POM121: variants seen among roughly 807,000 people sequenced by gnomAD.
POM121 encodes POM121 transmembrane nucleoporin.
Under a neutral mutation model 81.3 loss-of-function variants are expected in POM121, and 32 were observed. The ratio of observed to expected loss-of-function variants is 0.39; its 90% CI spans 0.30 to 0.53. The LOEUF (loss-of-function observed/expected upper bound fraction) is 0.53. POM121 is among the 20% of genes least tolerant of loss of function. The pLI is 0.66. For synonymous variants in POM121, 514 were observed against 694.2 expected (o/e 0.74, Z 4.08); for missense variants, 1,138 against 1,614.6 (o/e 0.70, Z 5.06).
chr7:72,941,814 C>T, intron 10 of POM121, 23 bp from the exon 11 acceptor site: 2 of 1,502,678 alleles, frequency 1.3e-6, no homozygotes, highest in South Asian at 1.3e-5. Context: ...ATTCCAATTT[C>T]ACATTTTCTA....
At chr7:72,897,708 C>T (rs1338531227) in intron 3 of POM121, among the ~76,000 whole-genome samples, 2 of 152,060 alleles carry the variant, frequency 1.3e-5, no homozygotes, top group Non-Finnish European at 2.9e-5. Context: ...TAGAAGTGGT[C>T]ACATGCAGGA....
chr7:72,902,540 T>C (rs1554492832), intron 3 of POM121, among the ~76,000 whole-genome samples: 3 of 151,890 alleles, frequency 2.0e-5, no homozygotes, highest in African/African-American at 7.3e-5. Flanking sequence ...ATTCTTTTCT[T>C]TTTTTTGAGA....
chr7:72,912,756 C>T (rs1226401034), intron 3 of POM121, among the ~76,000 whole-genome samples: 1 of 152,082 alleles, frequency 6.6e-6, no homozygotes, highest in African/African-American at 2.4e-5. Context: ...TCCAGCCTGG[C>T]AACAGAGCAA....
intron 3 of POM121, among the ~76,000 whole-genome samples, chr7:72,927,822 C>A (rs1290423036): frequency 1.3e-5 from 2 of 152,154 alleles, no homozygotes; most frequent in African/African-American, 4.8e-5. Flanking sequence ...TTATTGAGCA[C>A]CCACTGTGTA....
At position 72,895,976 on chromosome 7, in the gene POM121, G is replaced by A. The variant is rs1352299348; in HGVS notation, c.-216+4866G>A. Among the ~76,000 whole-genome samples the A allele has an allele frequency of 5.3e-5, 8 of 151,588 alleles. No homozygotes were observed. The East Asian group carries it at 5.8e-4, about 11-fold the overall frequency. On this transcript the variant is annotated intron_variant, in intron 3 of 15. Transcript: ENST00000395270. ...CTTTCAGTGGCTCCCAACTGTGGTC[G>A]GTTTAGATGCTTAGCTCATTAGAAT...
chr7:72,901,662 C>CG (rs1792665536), intron 3 of POM121, among the ~76,000 whole-genome samples: 1 of 151,610 alleles, frequency 6.6e-6, no homozygotes. Context: ...CCGACTCAGG[C>CG]TAATTTTTTA....
At chr7:72,912,795 G>A (rs184719515) in intron 3 of POM121, among the ~76,000 whole-genome samples, 4 of 152,176 alleles carry the variant, frequency 2.6e-5, no homozygotes, top group African/African-American at 9.6e-5. Flanking sequence ...GATCTAAGTG[G>A]GTTTTCCCAA....
chr7:72,908,382 G>A (rs1793480064), intron 3 of POM121, among the ~76,000 whole-genome samples: 1 of 152,184 alleles, frequency 6.6e-6, no homozygotes, highest in African/African-American at 2.4e-5. Flanking sequence ...TGACTAGGGT[G>A]TGGGTCACAG....
upstream of POM121, among the ~76,000 whole-genome samples, chr7:72,921,139 G>A (rs1563150671): frequency 1.3e-5 from 2 of 152,104 alleles, no homozygotes; most frequent in Admixed American, 1.3e-4. Context: ...AGCCGAGATC[G>A]CGCCACTGCA....
At chr7:72,922,641 C>T (rs563415426), upstream of POM121, among the ~76,000 whole-genome samples, 1 of 152,142 alleles carries the variant, frequency 6.6e-6, no homozygotes, top group Non-Finnish European at 1.5e-5. Flanking sequence ...ATCCGCCCAC[C>T]TTGGCCTCCA....
Position 72,926,856 on chromosome 7 carries a change from C to T in POM121, c.915C>T (p.Asp305=). The T allele has an allele frequency of 6.2e-7, 1 of 1,613,918 alleles. No individual in the cohort carries two copies. The highest frequency in any genetic ancestry group is 8.5e-7 in the Non-Finnish European group (1 of 1,179,868). The change falls in exon 3 of 13, where the codon GAC becomes GAT. Residue 305 remains aspartate, a synonymous_variant. Transcript: ENST00000434423. ...TLSSPSSNAP[D]PCAKETVLSA... is the part of the protein sequence containing the mutation. ...CCTCACCATCAAGTAACGCCCCAGA[C>T]CCATGTGCAAAGGAGACAGTACTGA...
At chr7:72,927,071 T>A in intron 3 of POM121, 108 bp downstream of exon 3, 1 of 1,550,468 alleles carries the variant, frequency 6.4e-7, no homozygotes, top group Non-Finnish European at 8.8e-7. Context: ...TTATGAGCCT[T>A]CGTAGGCCCC....
chr7:72,914,815 G>A (rs2129576620), intron 4 of POM121, among the ~76,000 whole-genome samples: 1 of 152,196 alleles, frequency 6.6e-6, no homozygotes, highest in South Asian at 2.1e-4. Context: ...GTGTCTGTGT[G>A]CCTGGAAGCA....
downstream of POM121, chr7:72,948,891 C>G (rs1554504078): frequency 1.2e-6 from 2 of 1,611,554 alleles, no homozygotes; most frequent in South Asian, 2.2e-5. Flanking sequence ...ACGCCCTGTA[C>G]CTGAAGGCGC....
In POM121 at chr7:72,939,430, G is replaced by A. The variant is rs528066094; in HGVS notation, c.1441+21G>A. 1.9e-6 allele frequency: 3 copies of A among 1,613,566 alleles called. No homozygotes were observed. The East Asian group carries it at 6.7e-5, about 36-fold the overall frequency. The stretch of plus-strand genomic sequence containing the variant: ...AAAGGGTAGGTTGCTGAGCCAGGAG[G>A]AGGGGCTGCTGTTGGTGGTGGAGGT... On this transcript the variant is annotated intron_variant, in intron 7 of 12. Transcript: ENST00000434423.
chr7:72,930,891 C>T (rs1554498501), intron 5 of POM121, among the ~76,000 whole-genome samples: 1 of 152,086 alleles, frequency 6.6e-6, no homozygotes, highest in Non-Finnish European at 1.5e-5. Flanking sequence ...GGCAGACAAT[C>T]ACATAACATC....
chr7:72,926,556 A>T, intron 2 of POM121, 79 bp downstream of exon 2: 1 of 1,591,276 alleles, frequency 6.3e-7, no homozygotes. Context: ...TGACATGACT[A>T]CAACGCAGAA....
At chr7:72,937,213 C>G (rs1796596132) in intron 5 of POM121, among the ~76,000 whole-genome samples, 1 of 151,246 alleles carries the variant, frequency 6.6e-6, no homozygotes, top group African/African-American at 2.4e-5. Context: ...TGAGATCGCG[C>G]CACTGCACTC....
At chr7:72,922,755 G>A (rs1794933666), upstream of POM121, among the ~76,000 whole-genome samples, 1 of 152,044 alleles carries the variant, frequency 6.6e-6, no homozygotes, top group Non-Finnish European at 1.5e-5. Context: ...TGCCCTTTGT[G>A]TGTTCATCTC....
Sources: allele counts gnomAD v4.1 joint callset (sites outside exome capture counted in the v4.1 genomes callset), GRCh38; gene constraint gnomAD v4.1.1; transcripts MANE v1.5; gene names NCBI Gene and HGNC (gene_info 2026-07-23, HGNC 2026-07-21).